CCDC51: variants seen among roughly 807,000 people sequenced by gnomAD.
CCDC51 encodes the protein coiled-coil domain containing 51.
A neutral mutation model predicts 24.8 loss-of-function variants in CCDC51; 25 were observed. The observed-to-expected ratio is 1.01, with a 90% CI of 0.73 to 1.41. CCDC51 has a LOEUF of 1.41. CCDC51 is among the 40% of genes most tolerant of loss of function. The probability of loss-of-function intolerance (pLI) is 0.00; values close to 1 mark genes in which losing one functional copy is unlikely to be tolerated. For synonymous variants in CCDC51, 190 were observed against 204.3 expected (o/e 0.93, Z 0.60); for missense variants, 466 against 519.1 (o/e 0.90, Z 0.99).
rs1240930885 is a variant in CCDC51, at chr3:48,433,932, G to A, written c.313-61C>T. ...TCTCCACACCCACACAGGCTCAGCT[G>A]CATTCCCAGCAAGGCATTCCCAGAA... On this transcript the variant is annotated intron_variant, in intron 2 of 3. Coordinates refer to ENST00000395694, the MANE Select transcript of CCDC51 (RefSeq NM_001256964.2). The surrounding 1 kb of genome is among the most constrained non-coding windows in gnomAD (Gnocchi z 4.4). 5.1e-6 allele frequency: 8 copies of A among 1,566,110 alleles called. No homozygotes were observed. Among genetic ancestry groups the A allele is most frequent in the African/African-American group, 4.1e-5 (3 of 73,718 alleles).
At chr3:48,440,690 G>A, upstream of CCDC51, 2 of 1,474,102 alleles carry the variant, frequency 1.4e-6, no homozygotes, top group Admixed American at 3.9e-5. Context: ...TTGGGATGAG[G>A]GCGCGGGCAT....
At chr3:48,442,978 G>C (rs1280714210), upstream of CCDC51, among the ~76,000 whole-genome samples, 2 of 151,698 alleles carry the variant, frequency 1.3e-5, no homozygotes, top group Non-Finnish European at 2.9e-5. Context: ...GGTGGCTCAA[G>C]ACTGTAATCC....
Position 48,435,277 on chromosome 3 carries a change from G to T in CCDC51, c.-8-141C>A. The T allele has an allele frequency of 1.4e-6, 1 of 694,096 alleles. No homozygotes were observed. Among genetic ancestry groups the T allele is most frequent in the Non-Finnish European group, 2.3e-6 (1 of 435,194 alleles). The allele number at this position is 694,096 out of a possible 1,614,324, so 43.0% of individuals were successfully genotyped here. Reference sequence around the variant, plus strand: ...TGAGCACCACCCTGTTGGGCCCAGAGACTGTGGCCCCTGTGGCAAGAGGAT... The same window carrying T: ...TGAGCACCACCCTGTTGGGCCCAGATACTGTGGCCCCTGTGGCAAGAGGAT... On this transcript the variant is annotated intron_variant, in intron 1 of 3. Transcript: ENST00000395694. The surrounding 1 kb of genome is among the most constrained non-coding windows in gnomAD (Gnocchi z 4.2).
At position 48,432,236 on chromosome 3, in the gene CCDC51, T is replaced by C. The variant is rs925386571; in HGVS notation, c.*172A>G. 9 of 645,508 alleles carry C rather than the reference T, an allele frequency of 1.4e-5. No homozygotes were observed. The highest frequency in any genetic ancestry group is 3.0e-5 in the Admixed American group (1 of 33,238). 40.0% of individuals were successfully genotyped at this position (645,508 alleles called of 1,614,324 possible). Reference sequence around the variant, plus strand: ...TAGCACAAAGTTTTGATAATTAATGTAAATGAACCTTGTCTACAAAGCGAA... The same window carrying C: ...TAGCACAAAGTTTTGATAATTAATGCAAATGAACCTTGTCTACAAAGCGAA... On this transcript the variant is annotated 3_prime_UTR_variant, in exon 4 of 4. Coordinates refer to ENST00000395694, the MANE Select transcript of CCDC51 (RefSeq NM_001256964.2).
In CCDC51 at chr3:48,433,180, G is replaced by C; in HGVS notation, c.478-14C>G. ...CCTCTTCTCCTCCTGCAGAAGCAAA[G>C]CCATGTTATTGGATTACATGGGCAC... On this transcript the variant is annotated splice_polypyrimidine_tract_variant and intron_variant, in intron 3 of 3. Transcript: ENST00000395694. The surrounding 1 kb of genome is among the most constrained non-coding windows in gnomAD (Gnocchi z 4.4). 1 of 1,606,684 alleles carries C rather than the reference G, an allele frequency of 6.2e-7. No homozygotes were observed. Among genetic ancestry groups the C allele is most frequent in the Non-Finnish European group, 8.5e-7 (1 of 1,175,600 alleles).
upstream of CCDC51, among the ~76,000 whole-genome samples, chr3:48,443,338 A>G (rs1038018190): frequency 6.6e-6 from 1 of 151,096 alleles, no homozygotes; most frequent in African/African-American, 2.4e-5. Flanking sequence ...ACCTGAGGTC[A>G]GGAGTTCGAG....
the CCDC51 span, chr3:48,446,116 T>C: frequency 6.6e-6 from 1 of 151,976 alleles, no homozygotes; most frequent in Non-Finnish European, 1.5e-5. Flanking sequence ...AGCCCTATTC[T>C]ATACAACCAG....
rs2039216586 is a variant in CCDC51 at position 48,432,752 on chromosome 3, C to T, written c.892G>A (p.Val298Ile). The part of the protein sequence containing the change: ...SPPTRDRDVD[V>I]LSAALKEQLS... ...TGCTCTTTCAAGGCAGCTGAAAGGA[C>T]ATCTACATCTCTGTCTCTGGTCGGG... Residue 298 changes from valine to isoleucine, a missense_variant, in exon 4 of 4, where the codon GTC becomes ATC. By Grantham distance (29) the Val-to-Ile change is conservative. Transcript: ENST00000395694. 3.1e-6 allele frequency: 5 copies of T among 1,614,204 alleles called. No individual in the cohort carries two copies. Among genetic ancestry groups the T allele is most frequent in the Non-Finnish European group, 4.2e-6 (5 of 1,180,054 alleles).
chr3:48,441,220 AT>A (rs1425154257), upstream of CCDC51, among the ~76,000 whole-genome samples: 4 of 150,706 alleles, frequency 2.7e-5, no homozygotes, highest in African/African-American at 9.8e-5. Flanking sequence ...TAATTTTTGT[AT>A]TTTTAGTAGA....
chr3:48,440,657 T>G (rs761407414), upstream of CCDC51: 3 of 1,597,548 alleles, frequency 1.9e-6, no homozygotes, highest in South Asian at 3.3e-5. Flanking sequence ...GAGCTCAAGC[T>G]GGCCAAACGC....
At position 48,432,899 on chromosome 3, in the gene CCDC51, G is replaced by A. The variant is rs774877304; in HGVS notation, c.745C>T (p.Arg249Ter). 6.8e-6 allele frequency: 11 copies of A among 1,614,032 alleles called. No individual in the cohort carries two copies. Among genetic ancestry groups the A allele is most frequent in the Admixed American group, 5.0e-5 (3 of 60,028 alleles). Reference protein sequence around the residue: ...KGPVSLQEAIREQASSYSRQQ... With the variant: ...KGPVSLQEAI ...CGGGAGTAGCTAGACGCCTGTTCTC[G>A]AATGGCCTCTTGGAGACTCACAGGC... Residue 249 changes from arginine to a stop codon, truncating the protein, a stop_gained, in exon 4 of 4, where the codon CGA (arginine) becomes TGA (stop). Transcript: ENST00000395694. LOFTEE classifies it high-confidence loss of function.
Position 48,433,672 on chromosome 3 carries a change from C to G in CCDC51, c.477+35G>C. On this transcript the variant is annotated intron_variant, in intron 3 of 3. Coordinates refer to ENST00000395694, the MANE Select transcript of CCDC51 (RefSeq NM_001256964.2). This position sits in a 1 kb window ranked among gnomAD's most constrained non-coding sequence, Gnocchi z 4.4. ...TGATCTGCCAGGCTAGGGTCACTGT[C>G]CAGGTGCGAAAGGGCTGCCTCCTGA... 1 of 1,598,708 alleles carries G rather than the reference C, an allele frequency of 6.3e-7. No homozygotes were observed. Among genetic ancestry groups the G allele is most frequent in the South Asian group, 1.1e-5 (1 of 88,494 alleles).
chr3:48,440,083 T>A lies in CCDC51; in HGVS notation c.-104A>T. On this transcript the variant is annotated 5_prime_UTR_variant, in exon 1 of 4. Coordinates refer to ENST00000395694, the MANE Select transcript of CCDC51 (RefSeq NM_001256964.2). Reference sequence around the variant, plus strand: ...CGATTCTACCCTGGCAGGACAACCCTAGCTCCTCGTACCTGGCGTGGCCCG... The same window carrying A: ...CGATTCTACCCTGGCAGGACAACCCAAGCTCCTCGTACCTGGCGTGGCCCG... 1.3e-6 allele frequency: 1 copy of A among 761,044 alleles called. No homozygotes were observed. The highest frequency in any genetic ancestry group is 2.0e-6 in the Non-Finnish European group (1 of 487,942). The allele number at this position is 761,044 out of a possible 1,614,324, so 47.1% of individuals were successfully genotyped here. A position where few individuals can be genotyped will look rare whatever the true frequency, so the allele number is the denominator to read the frequency against.
At chr3:48,440,599 A>C, upstream of CCDC51, 1 of 1,611,808 alleles carries the variant, frequency 6.2e-7, no homozygotes, top group South Asian at 1.1e-5. Context: ...GAGGAGCTAA[A>C]AGCGAAGGCC....
In CCDC51 at chr3:48,432,782, T is replaced by G. The variant is rs773810441; in HGVS notation, c.862A>C (p.Ser288Arg). 4.2e-5 allele frequency: 67 copies of G among 1,614,082 alleles called. No individual in the cohort carries two copies. Among genetic ancestry groups the G allele is most frequent in the Non-Finnish European group, 5.4e-5 (64 of 1,180,062 alleles). Reference sequence around the variant, plus strand: ...ACATCTCTGTCTCTGGTCGGGGGACTACCTGCCTGTGACCCAGAGTCCTGC... The same window carrying G: ...ACATCTCTGTCTCTGGTCGGGGGACGACCTGCCTGTGACCCAGAGTCCTGC... ...PGQDSGSQAG[S>R]PPTRDRDVDV... The change falls in exon 4 of 4, where the codon AGT becomes CGT. Residue 288 changes from serine to arginine, a missense_variant. Physicochemically the swap from Ser to Arg is moderately radical, Grantham distance 110. Coordinates refer to ENST00000395694, the MANE Select transcript of CCDC51 (RefSeq NM_001256964.2).
upstream of CCDC51, chr3:48,440,969 C>T (rs2039547451): frequency 4.9e-6 from 2 of 412,110 alleles, no homozygotes; most frequent in Non-Finnish European, 8.8e-6. Context: ...ATTCGTATTT[C>T]ACTGCCTTCT....
the CCDC51 span, chr3:48,446,452 C>G: frequency 5.9e-6 from 1 of 168,092 alleles, no homozygotes; most frequent in South Asian, 1.9e-4. Context: ...TCGACTCAAA[C>G]GCAACACGCG....
chr3:48,440,091 C>A lies in CCDC51; in HGVS notation c.-112G>T. ...CCCTGGCAGGACAACCCTAGCTCCTCGTACCTGGCGTGGCCCGACCAATCG... is the reference window on the plus strand; with the variant it reads ...CCCTGGCAGGACAACCCTAGCTCCTAGTACCTGGCGTGGCCCGACCAATCG... On this transcript the variant is annotated 5_prime_UTR_variant, in exon 1 of 4. Transcript: ENST00000395694. 4 of 802,980 alleles carry A rather than the reference C, an allele frequency of 5.0e-6. No individual in the cohort carries two copies. The highest frequency in any genetic ancestry group is 1.9e-5 in the South Asian group (1 of 52,974). 49.7% of individuals were successfully genotyped at this position (802,980 alleles called of 1,614,324 possible).
upstream of CCDC51, chr3:48,444,155 T>C (rs909631628): frequency 3.1e-6 from 1 of 319,902 alleles, no homozygotes. Flanking sequence ...CTTTGGTCCT[T>C]GTTCTACCCT....
Sources: allele counts gnomAD v4.1 joint callset (sites outside exome capture counted in the v4.1 genomes callset), GRCh38; gene constraint gnomAD v4.1.1; non-coding constraint Gnocchi (gnomAD v3.1); transcripts MANE v1.5; gene names NCBI Gene and HGNC (gene_info 2026-07-23, HGNC 2026-07-21).